The following TAFA2 variants were observed in gnomAD, a reference collection of about 807,000 sequenced individuals.
TAFA2 encodes TAFA chemokine like family member 2, also known as chemokine-like protein TAFA-2.
A neutral mutation model predicts 18.8 loss-of-function variants in TAFA2; 7 were observed. That is an observed-to-expected ratio of 0.37 (90% CI 0.21 to 0.70). The LOEUF (loss-of-function observed/expected upper bound fraction) is 0.70, where lower values mean the gene tolerates loss of function less well. TAFA2 is among the 30% of genes least tolerant of loss of function. The probability of loss-of-function intolerance (pLI) is 0.53; values close to 1 mark genes in which losing one functional copy is unlikely to be tolerated. For synonymous variants in TAFA2, 60 were observed against 54.2 expected, an observed-to-expected ratio of 1.11 and a Z score of -0.47; for missense variants, 122 against 158.1, an observed-to-expected ratio of 0.77 and a Z score of 1.23.
chr12:62,126,431 G>C (rs1411472208), intron 1 of TAFA2, among the ~76,000 whole-genome samples: 3 of 152,100 alleles, frequency 2.0e-5, no homozygotes, highest in Non-Finnish European at 4.4e-5. Flanking sequence ...AACTGCCTTG[G>C]AAGGTAGAAA....
intron 2 of TAFA2, among the ~76,000 whole-genome samples, chr12:61,823,605 C>T (rs944641149): frequency 2.6e-5 from 4 of 152,102 alleles, no homozygotes; most frequent in Admixed American, 1.3e-4. Context: ...TCCTGGTCAT[C>T]GCATTCTGCA....
At chr12:61,884,070 G>C (rs1875262075) in intron 1 of TAFA2, among the ~76,000 whole-genome samples, 1 of 152,128 alleles carries the variant, frequency 6.6e-6, no homozygotes. Context: ...GAGATATGAA[G>C]AAAGTAATGT....
At chr12:62,011,762 A>AG (rs1018078873) in intron 1 of TAFA2, among the ~76,000 whole-genome samples, 2 of 130,936 alleles carry the variant, frequency 1.5e-5, no homozygotes, top group African/African-American at 5.6e-5. Flanking sequence ...AAAAAAAAAA[A>AG]AAAAAAAGAA....
intron 1 of TAFA2, among the ~76,000 whole-genome samples, chr12:62,046,168 TA>T (rs1881903153): frequency 6.6e-6 from 1 of 152,062 alleles, no homozygotes; most frequent in Non-Finnish European, 1.5e-5. Context: ...TCCAAAAGAT[TA>T]AAGTGTGTTT....
chr12:61,724,617 A>G (rs1870053555), intron 4 of TAFA2, among the ~76,000 whole-genome samples: 1 of 152,044 alleles, frequency 6.6e-6, no homozygotes, highest in South Asian at 2.1e-4. Flanking sequence ...GCTTTCACTT[A>G]TAAGTGAGAA....
chr12:62,162,036 A>C (rs1391190934), intron 1 of TAFA2, among the ~76,000 whole-genome samples: 1 of 152,222 alleles, frequency 6.6e-6, no homozygotes, highest in East Asian at 1.9e-4. Context: ...AAATGTGTTA[A>C]GTTCTTTCTC....
chr12:62,087,111 T>G (rs1047965037), intron 1 of TAFA2, among the ~76,000 whole-genome samples: 1 of 151,828 alleles, frequency 6.6e-6, no homozygotes, highest in Admixed American at 6.6e-5. Context: ...AGACAGAAAG[T>G]AGAATGGTGG....
chr12:61,939,511 A>G lies in TAFA2; in HGVS notation c.-1-72085T>C, dbSNP rs528445314. Among the ~76,000 whole-genome samples the G allele has an allele frequency of 2.4e-3, 366 of 152,316 alleles. 4 individuals are homozygous for G. Among genetic ancestry groups the G allele is most frequent in the African/African-American group, 8.4e-3 (349 of 41,560 alleles). On this transcript the variant is annotated intron_variant, in intron 1 of 4. Coordinates refer to ENST00000416284, the MANE Select transcript of TAFA2 (RefSeq NM_178539.5). ...TATTCAACATTAAAAATAAAAATAAAAAAACCTTGAGTTCTGGCAGTTCTA... is the reference window on the plus strand; with the variant it reads ...TATTCAACATTAAAAATAAAAATAAGAAAACCTTGAGTTCTGGCAGTTCTA...
chr12:61,938,876 G>A (rs1268110437), intron 1 of TAFA2, among the ~76,000 whole-genome samples: 1 of 151,978 alleles, frequency 6.6e-6, no homozygotes, highest in South Asian at 2.1e-4. Flanking sequence ...AAGGCATACA[G>A]AGTGACATAA....
rs562390602 is a variant in TAFA2, at chr12:61,815,433, G to A, written c.106+51887C>T. 2.5e-3 allele frequency among the ~76,000 whole-genome samples: 381 copies of A among 151,380 alleles called. 4 individuals are homozygous for A. The highest frequency in any genetic ancestry group is 3.4e-3 in the Middle Eastern group (1 of 294). ...TGTAATCCCAGCACTTTGGGAGGCC[G>A]AGCTGGGCGGATCACGAGGTCAGGT... On this transcript the variant is annotated intron_variant, in intron 2 of 4. Transcript: ENST00000416284.
chr12:62,017,223 A>G (rs1880966909), intron 1 of TAFA2, among the ~76,000 whole-genome samples: 1 of 131,622 alleles, frequency 7.6e-6, no homozygotes, highest in African/African-American at 2.8e-5. Flanking sequence ...TACATGAGTT[A>G]ATGCGTAAAA....
Position 62,175,617 on chromosome 12 carries a change from T to C in TAFA2, c.-2+15642A>G, listed in dbSNP as rs1173755460. Among the ~76,000 whole-genome samples, 4 of 152,138 alleles carry C rather than the reference T, an allele frequency of 2.6e-5. No homozygotes were observed. In the South Asian group the frequency reaches 8.3e-4, roughly 31 times the overall value. Reference sequence around the variant, plus strand: ...AATCATCTGAAATACAACTGCCCTATCATCTCTAACAAAGTAGTTCTTCAA... The same window carrying C: ...AATCATCTGAAATACAACTGCCCTACCATCTCTAACAAAGTAGTTCTTCAA... On this transcript the variant is annotated intron_variant, in intron 1 of 4. Transcript: ENST00000416284.
Position 61,717,116 on chromosome 12 carries a change from C to T in TAFA2, c.385-6699G>A, listed in dbSNP as rs1265675452. 2.0e-5 allele frequency among the ~76,000 whole-genome samples: 3 copies of T among 152,078 alleles called. No homozygotes were observed. The East Asian group carries it at 5.8e-4, about 29-fold the overall frequency. On this transcript the variant is annotated intron_variant, in intron 4 of 4. Transcript: ENST00000416284. ...AAGCTCTTGCTTCACTTTTTGTGTGCTAAATGCGCAATTAAAACATCATTA... is the reference window on the plus strand; with the variant it reads ...AAGCTCTTGCTTCACTTTTTGTGTGTTAAATGCGCAATTAAAACATCATTA...
At chr12:62,045,589 T>C (rs1394448051) in intron 1 of TAFA2, among the ~76,000 whole-genome samples, 2 of 152,218 alleles carry the variant, frequency 1.3e-5, no homozygotes, top group Non-Finnish European at 1.5e-5. Context: ...AAAGATGTTA[T>C]GCTTTCAAAA....
chr12:62,219,891 GAT>G (rs2062753476), intron 1 of TAFA2, among the ~76,000 whole-genome samples: 1 of 152,112 alleles, frequency 6.6e-6, no homozygotes, highest in African/African-American at 2.4e-5. Context: ...CTAAGCTGTA[GAT>G]ATGAACTATT....
chr12:61,758,914 G>T (rs144614899), intron 2 of TAFA2, among the ~76,000 whole-genome samples: 62 of 152,076 alleles, frequency 4.1e-4, no homozygotes, highest in African/African-American at 1.4e-3. Flanking sequence ...TCTTCAGATA[G>T]TGACATCAGT....
At chr12:62,123,706 C>T (rs1870316927) in intron 1 of TAFA2, among the ~76,000 whole-genome samples, 1 of 149,182 alleles carries the variant, frequency 6.7e-6, no homozygotes, top group East Asian at 2.0e-4. Context: ...CACACACATA[C>T]ATTCTGAACC....
intron 1 of TAFA2, among the ~76,000 whole-genome samples, chr12:62,012,628 G>C (rs1880809747): frequency 6.6e-6 from 1 of 152,014 alleles, no homozygotes; most frequent in Non-Finnish European, 1.5e-5. Context: ...CTCAGACTTT[G>C]TCTTATTCCT....
chr12:62,023,729 G>A (rs1314961249), intron 1 of TAFA2: 2 of 151,964 alleles, frequency 1.3e-5, no homozygotes, highest in East Asian at 3.9e-4. Flanking sequence ...ATTCACCTGA[G>A]ATGGACAGCT....
Sources: allele counts gnomAD v4.1 joint callset (sites outside exome capture counted in the v4.1 genomes callset), GRCh38; gene constraint gnomAD v4.1.1; transcripts MANE v1.5; gene names NCBI Gene and HGNC (gene_info 2026-07-23, HGNC 2026-07-21).